Variants in NID2 observed in about 807,000 individuals in gnomAD.
The protein encoded by NID2 is nidogen 2.
Under a neutral mutation model 145.4 loss-of-function variants are expected in NID2, and 83 were observed. That is an observed-to-expected ratio of 0.57 (90% confidence interval 0.48 to 0.69). NID2 has a LOEUF of 0.69. NID2 is among the 30% of genes least tolerant of loss of function. NID2 has a pLI of 0.00. For missense variants in NID2, 1,807 were observed against 1,765.7 expected (o/e 1.02, Z -0.42); for synonymous variants, 739 against 701.3 (o/e 1.05, Z -0.85).
intron 18 of NID2, 131 bp from the exon 19 acceptor site, chr14:52,008,098 C>T (rs1594995867): frequency 3.0e-6 from 2 of 663,528 alleles, no homozygotes; most frequent in East Asian, 2.9e-5. Flanking sequence ...GTTTGGGCTG[C>T]ATTAGTAGTG....
At chr14:52,028,552 G>A in intron 11 of NID2, 170 bp downstream of exon 11, 2 of 674,980 alleles carry the variant, frequency 3.0e-6, no homozygotes, top group Non-Finnish European at 4.6e-6. Context: ...ATGATTACAG[G>A]CGTGAGCCAC....
Position 52,030,553 on chromosome 14 carries a change from AAAG to A in NID2, c.2258-866_2258-864del, listed in dbSNP as rs1566755539. ...GAAAGAAAGAAAGAAAGAAAGAAAG[AAAG>A]AAAGAAAGAAAGGAAGGAAGGGAAA... On this transcript the variant is annotated intron_variant, in intron 9 of 21. Transcript: ENST00000216286. Among the ~76,000 whole-genome samples the A allele has an allele frequency of 1.7e-4, 11 of 63,838 alleles. 1 individual carries two copies. The highest frequency in any genetic ancestry group is 5.8e-4 in the African/African-American group (11 of 19,042). 41.9% of individuals were successfully genotyped at this position (63,838 alleles called of 152,430 possible).
Position 52,025,690 on chromosome 14 carries a change from A to G in NID2, c.2674+1511T>C, listed in dbSNP as rs886838892. On this transcript the variant is annotated intron_variant, in intron 12 of 21. Coordinates refer to ENST00000216286, the MANE Select transcript of NID2 (RefSeq NM_007361.4). Reference sequence around the variant, plus strand: ...TGGTGAGGGGGCTGAGTGTGCTAACATGTTATTTTAGGCAGGCCTCCCTTC... The same window carrying G: ...TGGTGAGGGGGCTGAGTGTGCTAACGTGTTATTTTAGGCAGGCCTCCCTTC... Among the ~76,000 whole-genome samples, 5 of 152,240 alleles carry G rather than the reference A, an allele frequency of 3.3e-5. No homozygotes were observed. In the South Asian group the frequency reaches 8.3e-4, roughly 25 times the overall value.
At chr14:52,041,008 A>G (rs544340183) in intron 7 of NID2, among the ~76,000 whole-genome samples, 157 bp from the exon 8 acceptor site, 54 of 152,300 alleles carry the variant, frequency 3.5e-4, no homozygotes, top group Admixed American at 9.8e-4. Context: ...TGTTGATTCC[A>G]TAAGTTCCCA....
intron 3 of NID2, among the ~76,000 whole-genome samples, chr14:52,055,220 G>A (rs551498536): frequency 1.4e-4 from 22 of 152,212 alleles, no homozygotes; most frequent in South Asian, 1.2e-3. Flanking sequence ...AATTGGATCC[G>A]AATTCAGTTA....
intron 3 of NID2, among the ~76,000 whole-genome samples, chr14:52,056,125 A>G (rs1490351541): frequency 6.6e-6 from 1 of 152,228 alleles, no homozygotes; most frequent in Admixed American, 6.5e-5. Context: ...AACTAAAGAC[A>G]GTAGGAGAAA....
At chr14:52,025,932 T>A (rs1305651516) in intron 12 of NID2, among the ~76,000 whole-genome samples, 1 of 152,074 alleles carries the variant, frequency 6.6e-6, no homozygotes, top group Non-Finnish European at 1.5e-5. Flanking sequence ...AAGAAAAAAA[T>A]AAAAGGGCTG....
intron 12 of NID2, among the ~76,000 whole-genome samples, chr14:52,024,481 A>G (rs2140368284): frequency 6.6e-6 from 1 of 152,310 alleles, no homozygotes; most frequent in South Asian, 2.1e-4. Context: ...ATCTTTCCCC[A>G]GTTAAGCCTT....
At chr14:52,045,690 C>CA (rs1892465962) in intron 5 of NID2, among the ~76,000 whole-genome samples, 1 of 152,022 alleles carries the variant, frequency 6.6e-6, no homozygotes, top group African/African-American at 2.4e-5. Flanking sequence ...TTGGATGTGT[C>CA]AAAATCTCAG....
At chr14:52,026,718 T>C (rs774026518) in intron 12 of NID2, among the ~76,000 whole-genome samples, 3 of 152,242 alleles carry the variant, frequency 2.0e-5, no homozygotes, top group African/African-American at 2.4e-5. Context: ...GTCTTAAAGA[T>C]AGATTTCTGG....
rs1270201869 is a variant in NID2, at chr14:52,068,838, C to T, written c.157G>A (p.Asp53Asn). The part of the protein sequence containing the change: ...WGDQLLQEGD[D>N]ESSAVVKLAN... ...AGCTTCACCACGGCTGAGCTTTCGT[C>T]GTCGCCTTCCTGCAGGAGCTGGTCC... Residue 53 changes from aspartate to asparagine, a missense_variant, in exon 1 of 22, where the codon GAC (aspartate) becomes AAC (asparagine). Transcript: ENST00000216286. 6.2e-7 allele frequency: 1 copy of T among 1,612,822 alleles called. No homozygotes were observed. The highest frequency in any genetic ancestry group is 8.5e-7 in the Non-Finnish European group (1 of 1,180,006).
rs1890696431 is a variant in NID2, at chr14:52,004,905, TCTATAGAGGCA to T, written c.*570_*580del. 1 of 162,800 alleles carries T rather than the reference TCTATAGAGGCA, an allele frequency of 6.1e-6. No individual in the cohort carries two copies. The highest frequency in any genetic ancestry group is 2.0e-4 in the South Asian group (1 of 5,062). The allele number at this position is 162,800 out of a possible 1,614,324, so 10.1% of individuals were successfully genotyped here. A position where few individuals can be genotyped will look rare whatever the true frequency, so the allele number is the denominator to read the frequency against. The stretch of plus-strand genomic sequence containing the variant: ...TGATACTTTACTTTCTGTGGGTACT[TCTATAGAGGCA>T]CTACAGGATCAGAAAATGCAAATTG... On this transcript the variant is annotated 3_prime_UTR_variant, in exon 22 of 22. Transcript: ENST00000216286.
chr14:52,011,095 G>A, intron 17 of NID2, 48 bp from the exon 18 acceptor site: 4 of 1,588,094 alleles, frequency 2.5e-6, no homozygotes, highest in Non-Finnish European at 3.4e-6. Context: ...GGATATGGAG[G>A]GCAAACCTGA....
Position 52,027,153 on chromosome 14 carries a change from C to A in NID2, c.2674+48G>T, listed in dbSNP as rs374244438. On this transcript the variant is annotated intron_variant, in intron 12 of 21. Transcript: ENST00000216286. ...AGAGCTCCATCTATGTGGGGATGTG[C>A]ATCCAAAGCAACTTTCCAGTCATTG... The A allele has an allele frequency of 2.2e-5, 31 of 1,427,806 alleles. No homozygotes were observed. The African/African-American group carries it at 4.4e-4, about 20-fold the overall frequency. 88.4% of individuals were successfully genotyped at this position (1,427,806 alleles called of 1,614,324 possible). A position where few individuals can be genotyped will look rare whatever the true frequency, so the allele number is the denominator to read the frequency against.
chr14:52,042,058 C>A, intron 7 of NID2, 47 bp downstream of exon 7: 2 of 1,534,614 alleles, frequency 1.3e-6, no homozygotes, highest in Middle Eastern at 1.9e-4. Context: ...AGGAGCACCA[C>A]TGCCAAAGCA....
intron 5 of NID2, among the ~76,000 whole-genome samples, chr14:52,049,657 A>C (rs1403829430): frequency 6.6e-6 from 1 of 152,098 alleles, no homozygotes; most frequent in Non-Finnish European, 1.5e-5. Context: ...TAGTTAGAAA[A>C]ACCATATCCA....
chr14:52,053,893 C>G lies in NID2; in HGVS notation c.1115G>C (p.Gly372Ala). The G allele has an allele frequency of 6.2e-7, 1 of 1,614,046 alleles. No homozygotes were observed. The highest frequency in any genetic ancestry group is 8.5e-7 in the Non-Finnish European group (1 of 1,179,962). ...TTTTAAATCTGGGCCCCCTACCTCT[C>G]CCAGAGATGTTCCTTCTTTGGTGTG... ...DPHTKEGTSLGEVGGPDLKGQ... is the reference protein window; with the variant it reads ...DPHTKEGTSLAEVGGPDLKGQ... Residue 372 changes from glycine (G) to alanine (A), a missense_variant, in exon 5 of 22, where the codon GGA (glycine) becomes GCA (alanine). By Grantham distance (60) the Gly-to-Ala change is moderately conservative. Transcript: ENST00000216286.
chr14:52,020,217 C>G, intron 12 of NID2, 39 bp from the exon 13 acceptor site: 1 of 1,610,622 alleles, frequency 6.2e-7, no homozygotes, highest in Non-Finnish European at 8.5e-7. Context: ...GCAAAGAACA[C>G]TATGACTTCA....
intron 11 of NID2, among the ~76,000 whole-genome samples, chr14:52,027,684 C>A (rs897661523): frequency 2.0e-5 from 3 of 148,322 alleles, no homozygotes; most frequent in Admixed American, 7.1e-5. Flanking sequence ...TCTCCTGTCA[C>A]TTTTACCCTC....
Sources: allele counts gnomAD v4.1 joint callset (sites outside exome capture counted in the v4.1 genomes callset), GRCh38; gene constraint gnomAD v4.1.1; transcripts MANE v1.5; gene names NCBI Gene and HGNC (gene_info 2026-07-23, HGNC 2026-07-21).